The following KIAA1210 variants were observed in gnomAD, a reference collection of about 807,000 sequenced individuals.
KIAA1210 encodes the protein KIAA1210, also known as acrosomal protein KIAA1210.
A neutral mutation model predicts 78.9 loss-of-function variants in KIAA1210; 48 were observed. The observed-to-expected ratio is 0.61, with a 90% CI of 0.48 to 0.77. KIAA1210 has a LOEUF of 0.77. Among genes scored for constraint, KIAA1210 ranks in the 30% least tolerant of loss-of-function variants. KIAA1210 has a pLI of 0.00. For synonymous variants in KIAA1210, 406 were observed against 404.5 expected, an observed-to-expected ratio of 1.00 and a Z score of -0.04; for missense variants, 1,108 against 1,100.0, an observed-to-expected ratio of 1.01 and a Z score of -0.10.
At chrX:119,147,383 G>T in intron 2 of KIAA1210, 2 of 1,084,752 alleles carry the variant, frequency 1.8e-6, no homozygotes, top group South Asian at 2.1e-5. Context: ...GGGAAGTTTT[G>T]CAGCCAAGGG....
Position 119,086,938 on chromosome X carries a change from T to C in KIAA1210, c.3764A>G (p.Lys1255Arg), listed in dbSNP as rs368515168. Residue 1255 changes from lysine (K) to arginine (R), a missense_variant, in exon 9 of 12, where the codon AAG (lysine) becomes AGG (arginine). Transcript: ENST00000691062. ...TTGCCTGACAGGAGCAATGGTGAAC[T>C]TCCCAGGTTTGGTAGCAGGGGCTGG... ...SIPAPATKPG[K>R]FTIAPVRQTS... 1 of 1,209,714 alleles carries C rather than the reference T, an allele frequency of 8.3e-7. No individual in the cohort carries two copies. The highest frequency in any genetic ancestry group is 1.7e-5 in the African/African-American group (1 of 57,160).
chrX:119,115,243 C>T (rs748734191), intron 3 of KIAA1210, among the ~76,000 whole-genome samples: 2 of 110,625 alleles, frequency 1.8e-5, no homozygotes, highest in Non-Finnish European at 3.8e-5. Flanking sequence ...CCTTCTCTCT[C>T]TCTCTCTCTC....
At chrX:119,148,177 A>T (rs1929213360) in intron 1 of KIAA1210, among the ~76,000 whole-genome samples, 1 of 111,089 alleles carries the variant, frequency 9.0e-6, no homozygotes, top group Non-Finnish European at 1.9e-5. Context: ...TGAGCTCACC[A>T]TTTTGCCTTA....
At chrX:119,123,701 C>T in intron 1 of KIAA1210, 49 bp from the exon 2 acceptor site, 1 of 841,464 alleles carries the variant, frequency 1.2e-6, no homozygotes, top group South Asian at 2.2e-5. Context: ...ATTTGATATT[C>T]AGGGCGTAAT....
chrX:119,088,035 G>A lies in KIAA1210; in HGVS notation c.2667C>T (p.Asp889=), dbSNP rs774546243. 2 of 1,211,430 alleles carry A rather than the reference G, an allele frequency of 1.7e-6. No individual in the cohort carries two copies. Among genetic ancestry groups the A allele is most frequent in the African/African-American group, 1.7e-5 (1 of 57,684 alleles). The change falls in exon 9 of 12, where the codon GAC becomes GAT. Residue 889 remains aspartate (D), a synonymous_variant. Coordinates refer to ENST00000691062, the MANE Select transcript of KIAA1210 (RefSeq NM_001394962.1). ...TCCATTCTGCAGAAGTACTCATTGAGTCCAGGAACTTAGGCCTCTCCGAGG... is the reference window on the plus strand; with the variant it reads ...TCCATTCTGCAGAAGTACTCATTGAATCCAGGAACTTAGGCCTCTCCGAGG... ...SQPSERPKFL[D]SMSTSAEWSS... is the part of the protein sequence containing the mutation.
At chrX:119,122,464 A>AAACTTCTAT (rs1928500092) in intron 2 of KIAA1210, among the ~76,000 whole-genome samples, 1 of 112,157 alleles carries the variant, frequency 8.9e-6, no homozygotes, top group East Asian at 2.8e-4. Flanking sequence ...AAAACTTCTA[A>AAACTTCTAT]AACTGTACTC....
At chrX:119,103,107 T>C (rs1463884415) in intron 6 of KIAA1210, among the ~76,000 whole-genome samples, 2 of 111,743 alleles carry the variant, frequency 1.8e-5, no homozygotes, top group Non-Finnish European at 3.8e-5. Flanking sequence ...CCTTTAGACA[T>C]TGAAGCCCTC....
chrX:119,089,015 G>A lies in KIAA1210; in HGVS notation c.1687C>T (p.Gln563Ter). 2.5e-6 allele frequency: 3 copies of A among 1,211,810 alleles called. No individual in the cohort carries two copies. Among genetic ancestry groups the A allele is most frequent in the Non-Finnish European group, 3.4e-6 (3 of 895,316 alleles). ...CKEKPSGNVH[Q>*]TFTASVLGMT... is the part of the protein sequence containing the mutation. ...CCCAAAACACTTGCTGTAAAGGTCT[G>A]GTGAACATTTCCAGAAGGCTTTTCT... Residue 563 changes from glutamine to a stop codon, truncating the protein, a stop_gained, in exon 9 of 12, where the codon CAG (glutamine) becomes TAG (stop). Coordinates refer to ENST00000691062, the MANE Select transcript of KIAA1210 (RefSeq NM_001394962.1). LOFTEE classifies it high-confidence loss of function.
At chrX:119,150,543 A>G in exon 1 of KIAA1210, 1 of 1,209,521 alleles carries the variant, frequency 8.3e-7, no homozygotes, top group Non-Finnish European at 1.1e-6. Context: ...GAAGCGTGAA[A>G]GGCAGAGAAG....
chrX:119,118,413 G>T (rs1171706397), intron 2 of KIAA1210, among the ~76,000 whole-genome samples: 1 of 111,962 alleles, frequency 8.9e-6, no homozygotes, highest in Non-Finnish European at 1.9e-5. Context: ...GGAAAATTCT[G>T]GATTAGACAA....
rs1405473633 is a variant in KIAA1210 at position 119,105,164 on chromosome X, T to C, written c.493-17A>G. On this transcript the variant is annotated splice_polypyrimidine_tract_variant and intron_variant, in intron 5 of 11. Transcript: ENST00000691062. ...TGGTGGGTTCTGTCAAGAGGGAGAATAGAAGGAACAATTTAAAACCTGTGC... is the reference window on the plus strand; with the variant it reads ...TGGTGGGTTCTGTCAAGAGGGAGAACAGAAGGAACAATTTAAAACCTGTGC... 2.2e-5 allele frequency: 26 copies of C among 1,174,437 alleles called. No homozygotes were observed. Among genetic ancestry groups the C allele is most frequent in the African/African-American group, 3.6e-5 (2 of 55,201 alleles).
At chrX:119,081,958 T>C (rs993352067) in intron 11 of KIAA1210, among the ~76,000 whole-genome samples, 5 of 112,229 alleles carry the variant, frequency 4.5e-5, no homozygotes, top group African/African-American at 1.6e-4. Context: ...ATGCACCCAG[T>C]AAAAGTTGAT....
At chrX:119,113,299 G>A (rs768161095) in intron 3 of KIAA1210, among the ~76,000 whole-genome samples, 2 of 111,636 alleles carry the variant, frequency 1.8e-5, no homozygotes, top group East Asian at 2.8e-4. Context: ...TACAAAAAAC[G>A]TTGAATTTTA....
At position 119,093,742 on chromosome X, in the gene KIAA1210, A is replaced by G. The variant is rs749145934; in HGVS notation, c.880T>C (p.Leu294=). The G allele has an allele frequency of 3.3e-6, 4 of 1,207,648 alleles. No individual in the cohort carries two copies. The Admixed American group carries it at 6.6e-5, about 20-fold the overall frequency. Residue 294 remains leucine (L), a synonymous_variant, in exon 8 of 12, where the codon TTG becomes CTG. Transcript: ENST00000691062. The stretch of plus-strand genomic sequence containing the variant: ...ATGCTCTTTTCTTCTTCAGAAACCA[A>G]TGGAAGGTTTGGCTCCTCCTCCTTT... ...EPKEEEPNLP[L]VSEEEKSITK...
Position 119,085,549 on chromosome X carries a change from G to A in KIAA1210, c.4157-3C>T. 8.3e-7 allele frequency: 1 copy of A among 1,207,049 alleles called. No individual in the cohort carries two copies. The highest frequency in any genetic ancestry group is 1.1e-6 in the Non-Finnish European group (1 of 893,572). ...TGACTGTTGACCAGCAGGCTTTCCT[G>A]AGAAAGAAATGAAAGGAGTTAGAAC... On this transcript the variant is annotated splice_polypyrimidine_tract_variant and splice_region_variant and intron_variant, in intron 9 of 11. Coordinates refer to ENST00000691062, the MANE Select transcript of KIAA1210 (RefSeq NM_001394962.1).
Position 119,081,362 on chromosome X carries a change from T to G in KIAA1210, c.4569A>C (p.Lys1523Asn). ...VWFSLARKKA[K>N]AWSHMAEITQ ...TGATTTCTGCCATGTGGCTCCATGC[T>G]TTGGCTTTCTTCCTGGCCAGTGAGA... The change falls in exon 12 of 12, where the codon AAA becomes AAC. Residue 1523 changes from lysine to asparagine, a missense_variant. Lys to Asn is a moderately conservative substitution (Grantham distance 94). Around this residue, in one of 5 missense-constraint regions of KIAA1210, gnomAD observed 245 missense variants for 278.8 expected, o/e 0.88. Coordinates refer to ENST00000691062, the MANE Select transcript of KIAA1210 (RefSeq NM_001394962.1). 8.3e-7 allele frequency: 1 copy of G among 1,207,702 alleles called. No individual in the cohort carries two copies. The highest frequency in any genetic ancestry group is 2.2e-5 in the Admixed American group (1 of 45,716).
chrX:119,130,713 C>T (rs183368895), upstream of KIAA1210, among the ~76,000 whole-genome samples: 778 of 111,943 alleles, frequency 6.9e-3, 7 homozygotes, highest in Non-Finnish European at 0.013. Flanking sequence ...GCTGGCAAAC[C>T]GAATGAGGGA....
upstream of KIAA1210, among the ~76,000 whole-genome samples, chrX:119,128,769 G>A (rs577636287): frequency 9.0e-6 from 1 of 111,128 alleles, no homozygotes; most frequent in South Asian, 3.8e-4. Flanking sequence ...TCCGCCACCC[G>A]GGTTCAAGTA....
intron 1 of KIAA1210, chrX:119,150,178 C>G (rs1929259485): frequency 2.5e-6 from 2 of 807,857 alleles, no homozygotes; most frequent in African/African-American, 4.2e-5. Context: ...CAGTCTCTCT[C>G]CCTGGTCTGT....
Sources: allele counts gnomAD v4.1 joint callset (sites outside exome capture counted in the v4.1 genomes callset), GRCh38; gene constraint gnomAD v4.1.1; regional missense constraint gnomAD v4.1.1; transcripts MANE v1.5; gene names NCBI Gene and HGNC (gene_info 2026-07-23, HGNC 2026-07-21).